TRARG1: variants seen among roughly 807,000 people sequenced by gnomAD.
The protein encoded by TRARG1 is trafficking regulator of GLUT4 (SLC2A4) 1 (gene/pseudogene), also known as trafficking regulator of GLUT4 1.
In TRARG1, 16 loss-of-function variants were observed where a neutral mutation model predicts 13.3. That is an observed-to-expected ratio of 1.20 (90% CI 0.81 to 1.83). TRARG1 has a LOEUF of 1.83. Ranked by LOEUF, TRARG1 falls within the 40% of genes most tolerant of loss-of-function variation. The pLI is 0.00. For missense variants in TRARG1, 250 were observed against 237.4 expected (o/e 1.05, Z -0.35); for synonymous variants, 113 against 106.2 (o/e 1.06, Z -0.39).
At chr17:1,282,224 G>GCGTATATGTGCGTATATGTA (rs2071984092) in intron 1 of TRARG1, among the ~76,000 whole-genome samples, 4 of 115,592 alleles carry the variant, frequency 3.5e-5, no homozygotes, top group Non-Finnish European at 5.4e-5. Context: ...GTATACACGT[G>GCGTATATGTGCGTATATGTA]CGTATATGTA....
intron 1 of TRARG1, 78 bp from the exon 2 acceptor site, chr17:1,295,413 C>T: frequency 6.6e-7 from 1 of 1,514,430 alleles, no homozygotes; most frequent in Non-Finnish European, 8.8e-7. Flanking sequence ...AGGGCCACCC[C>T]AGGGCTGCCT....
chr17:1,283,679 T>C (rs147406962), intron 1 of TRARG1, among the ~76,000 whole-genome samples: 17 of 151,960 alleles, frequency 1.1e-4, no homozygotes, highest in Middle Eastern at 3.4e-3. Context: ...TGTGGTGTCA[T>C]GTGCCTGCAA....
intron 1 of TRARG1, among the ~76,000 whole-genome samples, chr17:1,291,687 C>T (rs1040320487): frequency 6.6e-6 from 1 of 152,072 alleles, no homozygotes; most frequent in Admixed American, 6.6e-5. Context: ...ACGAGATACA[C>T]GTTCAAAGAG....
chr17:1,286,907 T>C (rs2072029613), intron 1 of TRARG1, among the ~76,000 whole-genome samples: 1 of 151,778 alleles, frequency 6.6e-6, no homozygotes, highest in South Asian at 2.1e-4. Context: ...GCTCCAGCTG[T>C]AGGTGTAGGT....
At chr17:1,284,077 T>A (rs1187101409) in intron 1 of TRARG1, among the ~76,000 whole-genome samples, 1 of 150,772 alleles carries the variant, frequency 6.6e-6, no homozygotes, top group Non-Finnish European at 1.5e-5. Context: ...ATGGTGCCAC[T>A]GCACTCCAGC....
Position 1,282,000 on chromosome 17 carries a change from A to G in TRARG1, c.387+1612A>G, listed in dbSNP as rs145785029. On this transcript the variant is annotated intron_variant, in intron 1 of 2. Coordinates refer to ENST00000333813, the MANE Select transcript of TRARG1 (RefSeq NM_172367.3). ...TGTACATATATGTACATATATACAG[A>G]TATACACATATGTACATATACATAT... is the stretch of plus-strand genomic sequence containing the variant. Among the ~76,000 whole-genome samples, 697 of 150,648 alleles carry G rather than the reference A, an allele frequency of 4.6e-3. 4 individuals are homozygous for G. Among genetic ancestry groups the G allele is most frequent in the African/African-American group, 0.017 (670 of 40,586 alleles).
chr17:1,282,666 G>A (rs1330937739), intron 1 of TRARG1, among the ~76,000 whole-genome samples: 1 of 150,520 alleles, frequency 6.6e-6, no homozygotes, highest in Non-Finnish European at 1.5e-5. Context: ...ACTGAACCTG[G>A]CCTGTTTCTA....
rs1362382645 is a variant in TRARG1, at chr17:1,280,368, C to T, written c.367C>T (p.Pro123Ser). 6.2e-7 allele frequency: 1 copy of T among 1,603,602 alleles called. No homozygotes were observed. The highest frequency in any genetic ancestry group is 2.2e-5 in the East Asian group (1 of 44,682). The change falls in exon 1 of 3, where the codon CCC becomes TCC. Residue 123 changes from proline to serine, a missense_variant. Coordinates refer to ENST00000333813, the MANE Select transcript of TRARG1 (RefSeq NM_172367.3). ...CCCCGTCTGGCCCCTCAACCTCATC[C>T]CCCTCATCATTTCCATCATGGTAAG... ...FCPVWPLNLI[P>S]LIISIMSRSS... is the part of the protein sequence containing the mutation.
intron 2 of TRARG1, among the ~76,000 whole-genome samples, chr17:1,297,304 G>C (rs1567933749): frequency 6.6e-6 from 1 of 152,130 alleles, no homozygotes; most frequent in Non-Finnish European, 1.5e-5. Flanking sequence ...CCCAACTTGA[G>C]CTTGGGACCG....
At chr17:1,283,908 T>G (rs546118624) in intron 1 of TRARG1, among the ~76,000 whole-genome samples, 1 of 151,902 alleles carries the variant, frequency 6.6e-6, no homozygotes, top group South Asian at 2.1e-4. Context: ...GTCAGGAGAT[T>G]GACACCATCC....
chr17:1,283,016 G>A (rs936317587), intron 1 of TRARG1, among the ~76,000 whole-genome samples: 1 of 152,116 alleles, frequency 6.6e-6, no homozygotes, highest in Non-Finnish European at 1.5e-5. Context: ...AGTCAGGTGT[G>A]ATGAATACCA....
rs1351845197 is a variant in TRARG1, at chr17:1,298,469, G to A, written c.*205G>A. 1.8e-6 allele frequency: 1 copy of A among 543,770 alleles called. No individual in the cohort carries two copies. Among genetic ancestry groups the A allele is most frequent in the Non-Finnish European group, 3.2e-6 (1 of 310,800 alleles). The allele number at this position is 543,770 out of a possible 1,614,324, so 33.7% of individuals were successfully genotyped here. Reference sequence around the variant, plus strand: ...GCCTGGAGCGAGGAAGGAAAGCACAGCGAACCCAATGGGTAACGTGGTTTA... The same window carrying A: ...GCCTGGAGCGAGGAAGGAAAGCACAACGAACCCAATGGGTAACGTGGTTTA... On this transcript the variant is annotated 3_prime_UTR_variant, in exon 3 of 3. Coordinates refer to ENST00000333813, the MANE Select transcript of TRARG1 (RefSeq NM_172367.3).
intron 1 of TRARG1, among the ~76,000 whole-genome samples, chr17:1,281,597 G>A (rs1192657778): frequency 5.3e-5 from 8 of 152,174 alleles, no homozygotes; most frequent in Admixed American, 1.3e-4. Context: ...GGCATGGGCT[G>A]TGGAAGCAGG....
intron 1 of TRARG1, among the ~76,000 whole-genome samples, chr17:1,283,242 G>A (rs1313641055): frequency 6.6e-6 from 1 of 152,180 alleles, no homozygotes; most frequent in Non-Finnish European, 1.5e-5. Context: ...CTCAATGCCT[G>A]CACGAGAGAG....
rs1330637995 is a variant in TRARG1, at chr17:1,279,998, C to A, written c.-4C>A. 1 of 1,608,218 alleles carries A rather than the reference C, an allele frequency of 6.2e-7. No homozygotes were observed. Among genetic ancestry groups the A allele is most frequent in the Non-Finnish European group, 8.5e-7 (1 of 1,177,204 alleles). On this transcript the variant is annotated 5_prime_UTR_variant, in exon 1 of 3. Coordinates refer to ENST00000333813, the MANE Select transcript of TRARG1 (RefSeq NM_172367.3). ...AGCTGCAGCCGCGCAAGGCCCAGGC[C>A]CCCATGGCCCACCCGGTGCAGTCCG...
intron 1 of TRARG1, among the ~76,000 whole-genome samples, chr17:1,281,552 G>T (rs2071972507): frequency 6.6e-6 from 1 of 152,168 alleles, no homozygotes; most frequent in Non-Finnish European, 1.5e-5. Flanking sequence ...AGGACATCAG[G>T]GGGCACTGGC....
chr17:1,298,310 G>A lies in TRARG1; in HGVS notation c.*46G>A, dbSNP rs756433797. The stretch of plus-strand genomic sequence containing the variant: ...TAGCAGAGGCCGGCCCTGGCCATCG[G>A]GAGAGCTCTGACCTGCACACCGCGG... On this transcript the variant is annotated 3_prime_UTR_variant, in exon 3 of 3. Coordinates refer to ENST00000333813, the MANE Select transcript of TRARG1 (RefSeq NM_172367.3). 1 of 1,608,616 alleles carries A rather than the reference G, an allele frequency of 6.2e-7. No individual in the cohort carries two copies. The highest frequency in any genetic ancestry group is 8.5e-7 in the Non-Finnish European group (1 of 1,177,364).
chr17:1,280,230 TCCC>T lies in TRARG1; in HGVS notation c.232_234del (p.Pro78del). On this transcript the variant is annotated inframe_deletion, in exon 1 of 3. Transcript: ENST00000333813. ...GCACCTGGAGGCCCCACTGCCTCGG[TCCC>T]CCTCCCGGGCCAGCTCAAGGAGGGC... 1 of 1,613,822 alleles carries T rather than the reference TCCC, an allele frequency of 6.2e-7. No homozygotes were observed. Among genetic ancestry groups the T allele is most frequent in the Non-Finnish European group, 8.5e-7 (1 of 1,179,938 alleles).
At chr17:1,288,351 C>A (rs1273839515) in intron 1 of TRARG1, among the ~76,000 whole-genome samples, 1 of 122,950 alleles carries the variant, frequency 8.1e-6, no homozygotes, top group Non-Finnish European at 1.7e-5. Context: ...CCACGGGTTC[C>A]CCATCCCCCA....
Sources: allele counts gnomAD v4.1 joint callset (sites outside exome capture counted in the v4.1 genomes callset), GRCh38; gene constraint gnomAD v4.1.1; transcripts MANE v1.5; gene names NCBI Gene and HGNC (gene_info 2026-07-23, HGNC 2026-07-21).